Variants in CCDC73 observed in about 807,000 individuals in gnomAD.
CCDC73 encodes coiled-coil domain-containing protein 73.
CCDC73 carries 95 observed loss-of-function variants against 116.5 expected under a neutral mutation model. That is an observed-to-expected ratio of 0.82 (90% CI 0.69 to 0.97). The LOEUF (loss-of-function observed/expected upper bound fraction) is 0.97, where lower values mean the gene tolerates loss of function less well. CCDC73 is among the 50% of genes least tolerant of loss of function. The pLI, the probability that CCDC73 is intolerant of heterozygous loss-of-function variation, is 0.00. For missense variants in CCDC73, 1,066 were observed against 1,206.8 expected (o/e 0.88, Z 1.73); for synonymous variants, 398 against 401.3 (o/e 0.99, Z 0.10).
At chr11:32,739,812 C>T (rs987855556) in intron 2 of CCDC73, among the ~76,000 whole-genome samples, 1 of 152,044 alleles carries the variant, frequency 6.6e-6, no homozygotes, top group Non-Finnish European at 1.5e-5. Context: ...ATAATACTAG[C>T]TCTTGGTCTA....
At chr11:32,625,519 T>C (rs2133232397) in intron 14 of CCDC73, among the ~76,000 whole-genome samples, 1 of 152,276 alleles carries the variant, frequency 6.6e-6, no homozygotes, top group South Asian at 2.1e-4. Flanking sequence ...TAAAGGATTT[T>C]ATTTCTCCTT....
chr11:32,611,151 GA>G lies in CCDC73; in HGVS notation c.3010del (p.Ser1004ProfsTer8), dbSNP rs1855418710. The G allele has an allele frequency of 3.7e-6, 6 of 1,613,822 alleles. No individual in the cohort carries two copies. The highest frequency in any genetic ancestry group is 1.7e-4 in the Middle Eastern group (1 of 6,060). On this transcript the variant is annotated frameshift_variant, in exon 17 of 18. Transcript: ENST00000335185. LOFTEE classifies it low-confidence loss of function (END_TRUNC). Reference sequence around the variant, plus strand: ...ACTTACATGTTCTGTGGGAAAAGAGGAATCATAAAAAGTCTTTGCCATTGCA... The same window carrying G: ...ACTTACATGTTCTGTGGGAAAAGAGGATCATAAAAAGTCTTTGCCATTGCA... ...KNAMAKTFYD[S>X]SFPTEHVKTK...
chr11:32,652,082 G>A (rs1855830586), intron 12 of CCDC73, among the ~76,000 whole-genome samples: 1 of 152,006 alleles, frequency 6.6e-6, no homozygotes, highest in African/African-American at 2.4e-5. Context: ...TTTCCTTTTT[G>A]AAATTTGTAG....
intron 14 of CCDC73, among the ~76,000 whole-genome samples, chr11:32,624,531 T>C (rs1855551839): frequency 6.6e-6 from 1 of 152,192 alleles, no homozygotes; most frequent in Non-Finnish European, 1.5e-5. Context: ...AATTGTGATG[T>C]AGATCTATTT....
At chr11:32,631,502 T>C (rs546982041) in intron 14 of CCDC73, among the ~76,000 whole-genome samples, 342 of 151,918 alleles carry the variant, frequency 2.3e-3, no homozygotes, top group Middle Eastern at 0.014. Context: ...TCAATACCCA[T>C]GGGTCAGAGG....
intron 1 of CCDC73, among the ~76,000 whole-genome samples, chr11:32,777,800 C>A (rs1261657224): frequency 6.6e-6 from 1 of 152,058 alleles, no homozygotes; most frequent in Non-Finnish European, 1.5e-5. Context: ...AAGTTTGCTA[C>A]ATTTGTATTT....
intron 2 of CCDC73, among the ~76,000 whole-genome samples, chr11:32,757,154 T>C (rs1850351209): frequency 6.6e-6 from 1 of 151,568 alleles, no homozygotes; most frequent in African/African-American, 2.4e-5. Flanking sequence ...AGAATAAATC[T>C]CAAAAATACT....
At chr11:32,794,960 G>T (rs924018317), upstream of CCDC73, among the ~76,000 whole-genome samples, 1 of 151,278 alleles carries the variant, frequency 6.6e-6, no homozygotes, top group African/African-American at 2.4e-5. Context: ...CACCTCCCAG[G>T]TTTATGCCAT....
chr11:32,801,146 T>A, the CCDC73 span, among the ~76,000 whole-genome samples: 1 of 152,222 alleles, frequency 6.6e-6, no homozygotes, highest in Non-Finnish European at 1.5e-5. Context: ...TAGTGACTAC[T>A]TAAAGGGAGA....
chr11:32,779,726 G>A (rs1478055359), intron 1 of CCDC73, among the ~76,000 whole-genome samples: 1 of 152,144 alleles, frequency 6.6e-6, no homozygotes, highest in Non-Finnish European at 1.5e-5. Context: ...GTAATCTTTG[G>A]AGCTAGAAGT....
At chr11:32,825,563 A>C in the CCDC73 span, among the ~76,000 whole-genome samples, 1 of 152,112 alleles carries the variant, frequency 6.6e-6, no homozygotes, top group Admixed American at 6.6e-5. Flanking sequence ...CAGCCTCCCA[A>C]AGTGCTGGGA....
the CCDC73 span, among the ~76,000 whole-genome samples, chr11:32,827,413 A>G: frequency 4.6e-5 from 7 of 152,184 alleles, no homozygotes; most frequent in Non-Finnish European, 7.3e-5. Flanking sequence ...CACTACTGAG[A>G]AACAGACTTC....
At chr11:32,643,385 T>C (rs1855749952) in intron 12 of CCDC73, among the ~76,000 whole-genome samples, 4 of 152,086 alleles carry the variant, frequency 2.6e-5, no homozygotes, top group Admixed American at 2.6e-4. Flanking sequence ...GTGTTGGTTA[T>C]AGACAGGGAT....
rs528532363 is a variant in CCDC73 at position 32,653,061 on chromosome 11, A to C, written c.939+62T>G. On this transcript the variant is annotated intron_variant, in intron 12 of 17. Coordinates refer to ENST00000335185, the MANE Select transcript of CCDC73 (RefSeq NM_001008391.4). ...AGAAAAATAAACTAAACAGGAAGTT[A>C]ATTAGTGAAAATATACTAAAACACA... is the stretch of plus-strand genomic sequence containing the variant. 239 of 946,648 alleles carry C rather than the reference A, an allele frequency of 2.5e-4. 1 individual carries two copies. The African/African-American group carries it at 3.5e-3, about 14-fold the overall frequency. 58.6% of individuals were successfully genotyped at this position (946,648 alleles called of 1,614,324 possible). A position where few individuals can be genotyped will look rare whatever the true frequency, so the allele number is the denominator to read the frequency against.
chr11:32,698,051 G>T (rs113106546), intron 6 of CCDC73, among the ~76,000 whole-genome samples: 1 of 127,340 alleles, frequency 7.9e-6, no homozygotes, highest in African/African-American at 3.1e-5. Context: ...TTGAGACGGA[G>T]TCTCACTCTG....
At chr11:32,690,200 G>A (rs959533543) in intron 6 of CCDC73, among the ~76,000 whole-genome samples, 5 of 151,972 alleles carry the variant, frequency 3.3e-5, no homozygotes, top group East Asian at 1.9e-4. Context: ...TAATTTTCAC[G>A]TCACAAAATA....
chr11:32,622,857 G>GA (rs974112465), intron 14 of CCDC73, among the ~76,000 whole-genome samples: 8 of 149,260 alleles, frequency 5.4e-5, no homozygotes, highest in African/African-American at 1.7e-4. Flanking sequence ...GAGAGGTAAA[G>GA]AAAAAAAATC....
chr11:32,760,140 A>C lies in CCDC73; in HGVS notation c.104T>G (p.Leu35Arg). Residue 35 changes from leucine (L) to arginine (R), a missense_variant, in exon 2 of 18, where the codon CTG becomes CGG. Coordinates refer to ENST00000335185, the MANE Select transcript of CCDC73 (RefSeq NM_001008391.4). ...IQLLDFKTSLLEALEELRMRR... is the reference protein window; with the variant it reads ...IQLLDFKTSLREALEELRMRR... ...CATACGCAATTCTTCTAATGCCTCC[A>C]GTAAACTTGTTTTGAAATCTAATAG... 1 of 1,605,826 alleles carries C rather than the reference A, an allele frequency of 6.2e-7. No homozygotes were observed. Among genetic ancestry groups the C allele is most frequent in the Non-Finnish European group, 8.5e-7 (1 of 1,176,586 alleles).
intron 1 of CCDC73, among the ~76,000 whole-genome samples, chr11:32,788,729 G>A (rs1437905747): frequency 6.6e-6 from 1 of 152,154 alleles, no homozygotes; most frequent in Non-Finnish European, 1.5e-5. Context: ...GCCTCCCAAA[G>A]TGCTGGGATT....
Sources: gnomAD v4.1 joint callset for allele counts (sites outside exome capture counted in the v4.1 genomes callset) on GRCh38, gnomAD v4.1.1 for gene constraint, MANE v1.5 for transcripts, NCBI Gene and HGNC (gene_info 2026-07-23, HGNC 2026-07-21) for gene names.